The following ERC1 variants were observed in gnomAD, a reference collection of about 807,000 sequenced individuals.
ERC1 encodes ELKS/RAB6-interacting/CAST family member 1.
In ERC1, 56 loss-of-function variants were observed where a neutral mutation model predicts 132.0. The ratio of observed to expected loss-of-function variants is 0.42; its 90% CI spans 0.34 to 0.53. ERC1 has a LOEUF of 0.53. ERC1 is among the 20% of genes least tolerant of loss of function. The pLI is 0.03. For synonymous variants in ERC1, 478 were observed against 476.1 expected (o/e 1.00, Z -0.05); for missense variants, 1,202 against 1,349.9 (o/e 0.89, Z 1.72).
intron 16 of ERC1, among the ~76,000 whole-genome samples, chr12:1,393,188 A>G (rs1318765465): frequency 6.6e-6 from 1 of 152,234 alleles, no homozygotes; most frequent in Admixed American, 6.5e-5. Flanking sequence ...TGTATGGACC[A>G]TGATTTTGTA....
At chr12:996,453 A>G (rs1196306383) in intron 1 of ERC1, among the ~76,000 whole-genome samples, 1 of 151,608 alleles carries the variant, frequency 6.6e-6, no homozygotes. Flanking sequence ...ACAGTGTCAC[A>G]TGCCTGTAGT....
chr12:1,184,458 TTTC>T (rs1954847536), intron 11 of ERC1, among the ~76,000 whole-genome samples: 1 of 152,142 alleles, frequency 6.6e-6, no homozygotes, highest in Admixed American at 6.5e-5. Context: ...TTTGGCGTAT[TTTC>T]TTCTTGGAAA....
chr12:1,203,248 G>T (rs550139462), intron 12 of ERC1, among the ~76,000 whole-genome samples: 7 of 152,228 alleles, frequency 4.6e-5, no homozygotes, highest in Admixed American at 1.3e-4. Context: ...AGTAGAGATG[G>T]GGTTTCACCG....
chr12:1,352,162 TTCA>T (rs1472626675), intron 15 of ERC1, among the ~76,000 whole-genome samples: 3 of 152,134 alleles, frequency 2.0e-5, no homozygotes, highest in Non-Finnish European at 2.9e-5. Flanking sequence ...ACCACAAGCC[TTCA>T]TCATATCACC....
rs35596394 is a variant in ERC1 at position 1,483,668 on chromosome 12, C to CTTTTTTTTTT, written c.3214-6396_3214-6387dup. 5.1e-4 allele frequency among the ~76,000 whole-genome samples: 28 copies of CTTTTTTTTTT among 55,220 alleles called. 9 individuals are homozygous for CTTTTTTTTTT. Among genetic ancestry groups the CTTTTTTTTTT allele is most frequent in the South Asian group, 8.7e-4 (1 of 1,144 alleles). The allele number at this position is 55,220 out of a possible 152,430, so 36.2% of individuals were successfully genotyped here. On this transcript the variant is annotated intron_variant, in intron 18 of 18. Transcript: ENST00000360905. ...CAAAACTCCTTCCAGCCACTGAGAG[C>CTTTTTTTTTT]TTTTTTTTTTTTTTTTTTTTTTTTT...
intron 14 of ERC1, among the ~76,000 whole-genome samples, chr12:1,269,883 A>G (rs556039155): frequency 2.4e-4 from 36 of 152,266 alleles, no homozygotes; most frequent in Admixed American, 1.6e-3. Context: ...ACTATCCTCT[A>G]TTCCTCAGAG....
rs1412641216 is a variant in ERC1 at position 1,278,922 on chromosome 12, AAAAG to A, written c.2620-10925_2620-10922del. Among the ~76,000 whole-genome samples the A allele has an allele frequency of 3.3e-5, 5 of 152,122 alleles. 1 individual carries two copies. The highest frequency in any genetic ancestry group is 5.9e-5 in the Non-Finnish European group (4 of 68,006). The stretch of plus-strand genomic sequence containing the variant: ...ATGGAGTAATGTTTAGTATACTTGA[AAAAG>A]AAAGCAGAAAACTTTATAAATAATA... On this transcript the variant is annotated intron_variant, in intron 14 of 18. Transcript: ENST00000360905.
At chr12:1,117,082 A>G (rs989781033) in intron 7 of ERC1, among the ~76,000 whole-genome samples, 3 of 152,230 alleles carry the variant, frequency 2.0e-5, no homozygotes, top group African/African-American at 7.2e-5. Flanking sequence ...CTGTCTTAAT[A>G]TAAATATTTT....
chr12:1,180,629 CA>C lies in ERC1; in HGVS notation c.1829del (p.Asn610ThrfsTer6), dbSNP rs1566165028. On this transcript the variant is annotated frameshift_variant, in exon 9 of 19. Transcript: ENST00000360905. LOFTEE classifies it high-confidence loss of function. ...RVKSLQADTT[N>X]TDTALTTLEE... ...TCAAATCCTTGCAGGCTGACACCAC[CA>C]ACACTGACACTGCCTTGACAACTTT... 1 of 1,614,024 alleles carries C rather than the reference CA, an allele frequency of 6.2e-7. No individual in the cohort carries two copies. Among genetic ancestry groups the C allele is most frequent in the Non-Finnish European group, 8.5e-7 (1 of 1,180,032 alleles).
intron 1 of ERC1, among the ~76,000 whole-genome samples, chr12:1,009,701 A>AT (rs1320406485): frequency 2.0e-5 from 3 of 152,180 alleles, no homozygotes; most frequent in African/African-American, 7.2e-5. Context: ...AAGAAACATA[A>AT]TTTAGTTATA....
chr12:1,285,852 C>T (rs2079008954), intron 14 of ERC1, among the ~76,000 whole-genome samples: 1 of 152,150 alleles, frequency 6.6e-6, no homozygotes, highest in African/African-American at 2.4e-5. Context: ...AAAAGAAAAG[C>T]TTAGGCCTGT....
In ERC1 at chr12:1,028,427, A is replaced by G. The variant is rs1967278466; in HGVS notation, c.524A>G (p.Lys175Arg). 2 of 1,614,092 alleles carry G rather than the reference A, an allele frequency of 1.2e-6. No homozygotes were observed. The highest frequency in any genetic ancestry group is 1.7e-6 in the Non-Finnish European group (2 of 1,180,038). Reference protein sequence around the residue: ...NDLLRKDVEVKESKLSSSMNS... With the variant: ...NDLLRKDVEVRESKLSSSMNS... ...CTCTTGCGGAAGGATGTGGAAGTAA[A>G]GGAGAGCAAATTGAGTTCTTCAATG... Residue 175 changes from lysine (K) to arginine (R), a missense_variant, in exon 2 of 19, where the codon AAG becomes AGG. Physicochemically the swap from Lys to Arg is conservative, Grantham distance 26. Coordinates refer to ENST00000360905, the MANE Select transcript of ERC1 (RefSeq NM_178040.4).
chr12:1,119,869 T>G (rs913559252), intron 7 of ERC1, among the ~76,000 whole-genome samples: 2 of 152,154 alleles, frequency 1.3e-5, no homozygotes, highest in African/African-American at 4.8e-5. Context: ...TTTACTTCTT[T>G]AAGCCTCCAT....
chr12:1,019,923 T>C (rs931408899), intron 1 of ERC1, among the ~76,000 whole-genome samples: 3 of 151,932 alleles, frequency 2.0e-5, no homozygotes, highest in Non-Finnish European at 4.4e-5. Context: ...TTTTTTATTT[T>C]TAAATTTTTT....
At chr12:1,218,108 CAA>C (rs1159686737) in intron 12 of ERC1, among the ~76,000 whole-genome samples, 2 of 152,194 alleles carry the variant, frequency 1.3e-5, no homozygotes, top group African/African-American at 2.4e-5. Context: ...CGCCTCCACT[CAA>C]AGTTTCTGGC....
At chr12:1,121,675 CTAT>C (rs1947131271) in intron 7 of ERC1, among the ~76,000 whole-genome samples, 1 of 5,868 alleles carries the variant, frequency 1.7e-4, no homozygotes, top group African/African-American at 3.1e-4. Flanking sequence ...ATCTCTATCT[CTAT>C]CTATCTCTAT....
intron 8 of ERC1, among the ~76,000 whole-genome samples, chr12:1,175,971 C>T (rs910121031): frequency 2.0e-5 from 3 of 152,106 alleles, no homozygotes; most frequent in Admixed American, 6.5e-5. Context: ...CAAAGTTATC[C>T]GTGAGGATTG....
chr12:1,196,164 T>C (rs1956207742), intron 12 of ERC1, among the ~76,000 whole-genome samples: 1 of 152,208 alleles, frequency 6.6e-6, no homozygotes, highest in African/African-American at 2.4e-5. Context: ...GATTATTCTA[T>C]GCCATTCTTT....
At chr12:1,210,250 T>C (rs1277227258) in intron 12 of ERC1, among the ~76,000 whole-genome samples, 1 of 152,154 alleles carries the variant, frequency 6.6e-6, no homozygotes, top group Non-Finnish European at 1.5e-5. Flanking sequence ...TCTCAGAATT[T>C]GAGATTGTGC....
Sources: allele counts gnomAD v4.1 joint callset (sites outside exome capture counted in the v4.1 genomes callset), GRCh38; gene constraint gnomAD v4.1.1; transcripts MANE v1.5; gene names NCBI Gene and HGNC (gene_info 2026-07-23, HGNC 2026-07-21).